Variants in LRP12 observed in about 807,000 individuals in gnomAD.
The protein encoded by LRP12 is LDL receptor related protein 12.
In LRP12, 14 loss-of-function variants were observed where a neutral mutation model predicts 66.0. That is an observed-to-expected ratio of 0.21 (90% CI 0.14 to 0.33). The LOEUF (loss-of-function observed/expected upper bound fraction) is 0.33. Ranked by LOEUF, LRP12 falls within the 10% of genes least tolerant of loss-of-function variation. LRP12 has a pLI of 1.00. For missense variants in LRP12, 889 were observed against 1,053.4 expected, an observed-to-expected ratio of 0.84 and a Z score of 2.16; for synonymous variants, 357 against 359.1, an observed-to-expected ratio of 0.99 and a Z score of 0.07.
chr8:104,509,857 A>G (rs1314803959), intron 2 of LRP12, among the ~76,000 whole-genome samples: 1 of 152,204 alleles, frequency 6.6e-6, no homozygotes, highest in Non-Finnish European at 1.5e-5. Context: ...GTGCTTAGTT[A>G]AGATGGAAAA....
At chr8:104,545,611 T>A (rs1300384037) in intron 1 of LRP12, among the ~76,000 whole-genome samples, 1 of 152,176 alleles carries the variant, frequency 6.6e-6, no homozygotes, top group Non-Finnish European at 1.5e-5. Flanking sequence ...TGTAACTTGT[T>A]AAAGGCTCAG....
rs1188419374 is a variant in LRP12, at chr8:104,509,071, C to T, written c.140G>A (p.Cys47Tyr). 6 of 1,612,846 alleles carry T rather than the reference C, an allele frequency of 3.7e-6. No individual in the cohort carries two copies. ...TCGTATTTGCTCTGGAGTCTCTCCA[C>T]AAGCTGGAAGATAGCCAAAGCAATC... Reference protein sequence around the residue: ...NVHISGVSTACGETPEQIRAP... With the variant: ...NVHISGVSTAYGETPEQIRAP... The change falls in exon 3 of 7, where the codon TGT (cysteine) becomes TAT (tyrosine). Residue 47 changes from cysteine to tyrosine, a missense_variant. By Grantham distance (194) the Cys-to-Tyr change is radical (BLOSUM62 -2). Transcript: ENST00000276654.
chr8:104,588,970 ACGCCGCCGC>A lies in LRP12; in HGVS notation c.-82_-74del, dbSNP rs879237391. The A allele has an allele frequency of 1.1e-3, 646 of 601,182 alleles. 13 individuals carry two copies. The highest frequency in any genetic ancestry group is 3.5e-3 in the South Asian group (147 of 41,962). 37.2% of individuals were successfully genotyped at this position (601,182 alleles called of 1,614,324 possible). ...GAGAAGCTGGAGGTAGACGACGCCG[ACGCCGCCGC>A]CGCCGCCGCCGCCGCCGCCGAGCCA... is the stretch of plus-strand genomic sequence containing the variant. On this transcript the variant is annotated 5_prime_UTR_variant, in exon 1 of 7. Transcript: ENST00000276654.
At chr8:104,530,137 GTTA>G (rs1157373378) in intron 2 of LRP12, among the ~76,000 whole-genome samples, 7 of 152,088 alleles carry the variant, frequency 4.6e-5, no homozygotes, top group Non-Finnish European at 8.8e-5. Context: ...ATAGGTTACT[GTTA>G]TTTTTAATTG....
intron 1 of LRP12, among the ~76,000 whole-genome samples, chr8:104,560,935 T>C (rs1057359327): frequency 6.6e-6 from 1 of 152,098 alleles, no homozygotes; most frequent in African/African-American, 2.4e-5. Flanking sequence ...AAGGCCCATA[T>C]TTTGTGGTGT....
chr8:104,547,784 T>C (rs1482159243), intron 1 of LRP12, among the ~76,000 whole-genome samples: 1 of 129,784 alleles, frequency 7.7e-6, no homozygotes, highest in Non-Finnish European at 1.6e-5. Flanking sequence ...ATTTTGTATA[T>C]AATATATAAT....
intron 1 of LRP12, among the ~76,000 whole-genome samples, chr8:104,565,661 C>A (rs1325363970): frequency 1.3e-5 from 2 of 151,992 alleles, no homozygotes; most frequent in East Asian, 3.9e-4. Context: ...GAGATCAAGA[C>A]CACCCTGGCT....
chr8:104,548,534 T>A (rs1811669662), intron 1 of LRP12, among the ~76,000 whole-genome samples: 1 of 137,060 alleles, frequency 7.3e-6, no homozygotes, highest in Non-Finnish European at 1.5e-5. Context: ...TAATATATAA[T>A]TCTATGTTAT....
rs1810601260 is a variant in LRP12, at chr8:104,490,511, A to G, written c.*162T>C. On this transcript the variant is annotated 3_prime_UTR_variant, in exon 7 of 7. Coordinates refer to ENST00000276654, the MANE Select transcript of LRP12 (RefSeq NM_013437.5). Reference sequence around the variant, plus strand: ...AAAATAGTAAACTCTAAGTTCATAGAGTTACAAGTTGTCGAATTTAACCAT... The same window carrying G: ...AAAATAGTAAACTCTAAGTTCATAGGGTTACAAGTTGTCGAATTTAACCAT... The G allele has an allele frequency of 1.4e-6, 1 of 697,802 alleles. No individual in the cohort carries two copies. The highest frequency in any genetic ancestry group is 3.3e-5 in the Admixed American group (1 of 30,298). 43.2% of individuals were successfully genotyped at this position (697,802 alleles called of 1,614,324 possible). A position where few individuals can be genotyped will look rare whatever the true frequency, so the allele number is the denominator to read the frequency against.
intron 1 of LRP12, among the ~76,000 whole-genome samples, chr8:104,563,045 G>C (rs920967117): frequency 6.6e-6 from 1 of 152,126 alleles, no homozygotes; most frequent in Non-Finnish European, 1.5e-5. Flanking sequence ...AACTATAAAA[G>C]AACAATATAG....
intron 1 of LRP12, among the ~76,000 whole-genome samples, chr8:104,578,355 T>A (rs1414743429): frequency 6.6e-6 from 1 of 151,882 alleles, no homozygotes; most frequent in Non-Finnish European, 1.5e-5. Context: ...AAAAACTGAA[T>A]CCCTGAACAA....
chr8:104,555,923 TCAATAAATTTAAGAAAATAAAAATTA>T (rs1313579693), intron 1 of LRP12, among the ~76,000 whole-genome samples: 3 of 152,126 alleles, frequency 2.0e-5, no homozygotes, highest in Non-Finnish European at 2.9e-5. Context: ...CAAACGAGTC[TCAATAAATTTAAGAAAATAAAAATTA>T]CATCAAGTTC....
intron 3 of LRP12, chr8:104,507,621 A>G (rs1264399788): frequency 6.6e-6 from 1 of 152,218 alleles, no homozygotes; most frequent in Non-Finnish European, 1.5e-5. Context: ...GTCACACTAC[A>G]AGTAACAGAA....
intron 1 of LRP12, among the ~76,000 whole-genome samples, chr8:104,587,436 T>C (rs973683905): frequency 6.6e-6 from 1 of 152,146 alleles, no homozygotes; most frequent in African/African-American, 2.4e-5. Context: ...AGTCGTGTAC[T>C]GGGTTTTTGG....
intron 3 of LRP12, among the ~76,000 whole-genome samples, chr8:104,500,741 C>T (rs1564130154): frequency 6.6e-6 from 1 of 152,128 alleles, no homozygotes; most frequent in Non-Finnish European, 1.5e-5. Flanking sequence ...CAAAACAAAA[C>T]CCTTATACAT....
chr8:104,571,551 T>C (rs771743372), intron 1 of LRP12, among the ~76,000 whole-genome samples: 2 of 152,196 alleles, frequency 1.3e-5, no homozygotes, highest in African/African-American at 4.8e-5. Context: ...TTCTCCTTCC[T>C]GTCACCTTGT....
At chr8:104,539,780 A>G (rs1811447054) in intron 1 of LRP12, among the ~76,000 whole-genome samples, 1 of 152,134 alleles carries the variant, frequency 6.6e-6, no homozygotes, top group South Asian at 2.1e-4. Context: ...TTATGTGAGA[A>G]GATAAAAAAA....
chr8:104,491,638 A>G, intron 6 of LRP12, 99 bp from the exon 7 acceptor site: 1 of 1,008,772 alleles, frequency 9.9e-7, no homozygotes. Flanking sequence ...TGTGGTTAAA[A>G]ATTCTGTTAC....
At chr8:104,569,056 A>G (rs10955352) in intron 1 of LRP12, among the ~76,000 whole-genome samples, 28,242 of 152,036 alleles carry the variant, frequency 0.19, 3,314 homozygotes, top group African/African-American at 0.34. Context: ...TACACAAAGT[A>G]GAATATCCAT....
Sources: gnomAD v4.1 joint callset for allele counts (sites outside exome capture counted in the v4.1 genomes callset) on GRCh38, gnomAD v4.1.1 for gene constraint, MANE v1.5 for transcripts, NCBI Gene and HGNC (gene_info 2026-07-23, HGNC 2026-07-21) for gene names.